The following RALGAPA2 variants were observed in gnomAD, a reference collection of about 807,000 sequenced individuals.
RALGAPA2 encodes ral GTPase-activating protein subunit alpha-2.
In RALGAPA2, 139 loss-of-function variants were observed where a neutral mutation model predicts 230.4. The observed-to-expected ratio is 0.60, with a 90% CI of 0.53 to 0.69. RALGAPA2 has a LOEUF of 0.69. Ranked by LOEUF, RALGAPA2 falls within the 30% of genes least tolerant of loss-of-function variation. RALGAPA2 has a pLI of 0.00. For missense variants in RALGAPA2, 2,163 were observed against 2,276.0 expected, an observed-to-expected ratio of 0.95 and a Z score of 1.01; for synonymous variants, 847 against 837.8, an observed-to-expected ratio of 1.01 and a Z score of -0.19.
chr20:20,619,453 C>G, intron 11 of RALGAPA2, 39 bp from the exon 12 acceptor site: 1 of 1,447,818 alleles, frequency 6.9e-7, no homozygotes, highest in East Asian at 2.5e-5. Context: ...GTGGAAGATG[C>G]ACGTGTTTAA....
intron 37 of RALGAPA2, among the ~76,000 whole-genome samples, chr20:20,465,163 A>G (rs1239884999): frequency 6.8e-6 from 1 of 147,356 alleles, no homozygotes; most frequent in Admixed American, 6.7e-5. Flanking sequence ...ACACACACAC[A>G]CACACACACA....
intron 8 of RALGAPA2, among the ~76,000 whole-genome samples, chr20:20,636,578 G>GTT (rs2146476139): frequency 6.6e-6 from 1 of 152,138 alleles, no homozygotes; most frequent in Admixed American, 6.5e-5. Context: ...GTGTGTGTGT[G>GTT]TGTGTACGCA....
chr20:20,655,330 T>G (rs1436024926), intron 3 of RALGAPA2, among the ~76,000 whole-genome samples: 1 of 151,596 alleles, frequency 6.6e-6, no homozygotes, highest in Non-Finnish European at 1.5e-5. Context: ...AAAAATTTTT[T>G]AAATAAAAAA....
chr20:20,518,068 T>TC (rs999235812), intron 31 of RALGAPA2, among the ~76,000 whole-genome samples: 5 of 151,780 alleles, frequency 3.3e-5, no homozygotes, highest in South Asian at 4.2e-4. Flanking sequence ...ATAATTTTTT[T>TC]CCCCCCGAGA....
chr20:20,641,557 G>A (rs2067031405), intron 5 of RALGAPA2, among the ~76,000 whole-genome samples: 1 of 152,030 alleles, frequency 6.6e-6, no homozygotes, highest in Admixed American at 6.6e-5. Flanking sequence ...TACATAGGGA[G>A]ATGTGTCCTT....
intron 23 of RALGAPA2, among the ~76,000 whole-genome samples, chr20:20,553,747 C>T (rs948877948): frequency 4.6e-5 from 7 of 152,048 alleles, no homozygotes; most frequent in Admixed American, 3.9e-4. Flanking sequence ...AACAAGTGGA[C>T]AGATGGCAGA....
chr20:20,550,725 C>T (rs996588603), intron 23 of RALGAPA2, among the ~76,000 whole-genome samples: 3 of 152,022 alleles, frequency 2.0e-5, no homozygotes, highest in Admixed American at 6.6e-5. Context: ...GCTTCTCTTC[C>T]GTAAAATGAA....
At chr20:20,656,955 GA>G (rs1447531694) in intron 3 of RALGAPA2, among the ~76,000 whole-genome samples, 1 of 152,214 alleles carries the variant, frequency 6.6e-6, no homozygotes, top group East Asian at 1.9e-4. Flanking sequence ...AGATGCGAGA[GA>G]TGAAGACAAG....
chr20:20,582,541 G>C (rs950324592), intron 20 of RALGAPA2, among the ~76,000 whole-genome samples: 2 of 151,926 alleles, frequency 1.3e-5, no homozygotes. Flanking sequence ...AAACTATAAA[G>C]AAATCAAGGA....
At chr20:20,601,032 A>G (rs1159611824) in intron 16 of RALGAPA2, among the ~76,000 whole-genome samples, 2 of 152,262 alleles carry the variant, frequency 1.3e-5, no homozygotes, top group African/African-American at 4.8e-5. Flanking sequence ...CCCGGAAGGC[A>G]GAGGTTGCAG....
intron 38 of RALGAPA2, among the ~76,000 whole-genome samples, chr20:20,409,451 G>T (rs1236177423): frequency 6.6e-6 from 1 of 152,178 alleles, no homozygotes; most frequent in Non-Finnish European, 1.5e-5. Flanking sequence ...GTGAGCCCAA[G>T]CCCAAGGCCC....
intron 4 of RALGAPA2, among the ~76,000 whole-genome samples, chr20:20,652,789 C>G (rs908272542): frequency 5.9e-5 from 9 of 152,182 alleles, no homozygotes; most frequent in African/African-American, 2.2e-4. Context: ...AAAAGCTGGA[C>G]AGAAAAGGCA....
At chr20:20,404,327 T>C (rs1357175389) in intron 38 of RALGAPA2, among the ~76,000 whole-genome samples, 1 of 152,214 alleles carries the variant, frequency 6.6e-6, no homozygotes, top group Non-Finnish European at 1.5e-5. Context: ...GCAGGTTTAG[T>C]TCCTGTTATC....
chr20:20,589,073 T>A (rs1402893047), intron 18 of RALGAPA2, among the ~76,000 whole-genome samples, 195 bp downstream of exon 18: 1 of 152,200 alleles, frequency 6.6e-6, no homozygotes, highest in African/African-American at 2.4e-5. Flanking sequence ...ATTTTTTTCC[T>A]ATTTTTGTAA....
At chr20:20,682,454 T>C (rs751222474) in intron 1 of RALGAPA2, among the ~76,000 whole-genome samples, 6 of 152,338 alleles carry the variant, frequency 3.9e-5, no homozygotes, top group East Asian at 3.9e-4. Flanking sequence ...GCCCTCTTTC[T>C]GAAGCCAGCT....
intron 4 of RALGAPA2, 29 bp from the exon 5 acceptor site, chr20:20,643,578 T>C (rs1157530486): frequency 3.5e-6 from 5 of 1,418,464 alleles, no homozygotes; most frequent in Non-Finnish European, 4.7e-6. Context: ...GAATTATAAA[T>C]AGAGTATATA....
Position 20,560,816 on chromosome 20 carries a change from C to T in RALGAPA2, c.3156+10642G>A, listed in dbSNP as rs1471380968. ...AACATTTCTTAAAGTCTTCATAGAA[C>T]TCTAAATGAGAAAAGATGGTCTTAC... On this transcript the variant is annotated intron_variant, in intron 23 of 39. Coordinates refer to ENST00000202677, the MANE Select transcript of RALGAPA2 (RefSeq NM_020343.4). Among the ~76,000 whole-genome samples, 4 of 152,192 alleles carry T rather than the reference C, an allele frequency of 2.6e-5. No homozygotes were observed. The East Asian group carries it at 7.7e-4, about 29-fold the overall frequency.
chr20:20,447,866 A>T (rs756421850), intron 37 of RALGAPA2, among the ~76,000 whole-genome samples: 21 of 152,178 alleles, frequency 1.4e-4, no homozygotes, highest in Non-Finnish European at 2.5e-4. Context: ...CAGTGTAGCC[A>T]GCAATGTGCC....
intron 3 of RALGAPA2, chr20:20,659,777 C>A: frequency 2.2e-6 from 2 of 914,334 alleles, no homozygotes; most frequent in Non-Finnish European, 3.3e-6. Flanking sequence ...GAAAACAGCA[C>A]ACAGAAAGAT....
Sources: allele counts gnomAD v4.1 joint callset (sites outside exome capture counted in the v4.1 genomes callset), GRCh38; gene constraint gnomAD v4.1.1; transcripts MANE v1.5; gene names NCBI Gene and HGNC (gene_info 2026-07-23, HGNC 2026-07-21).